CCDC141: variants seen among roughly 807,000 people sequenced by gnomAD.
CCDC141 encodes coiled-coil domain-containing protein 141.
CCDC141 carries 168 observed loss-of-function variants against 181.0 expected under a neutral mutation model. The observed-to-expected ratio is 0.93, with a 90% CI of 0.82 to 1.05. The LOEUF (loss-of-function observed/expected upper bound fraction) is 1.05, where lower values mean the gene tolerates loss of function less well. Among genes scored for constraint, CCDC141 ranks in the 50% least tolerant of loss-of-function variants. The pLI is 0.00. For synonymous variants in CCDC141, 666 were observed against 642.3 expected, an observed-to-expected ratio of 1.04 and a Z score of -0.56; for missense variants, 1,902 against 1,788.5, an observed-to-expected ratio of 1.06 and a Z score of -1.14.
At chr2:179,010,044 A>T (rs1449608983) in intron 2 of CCDC141, among the ~76,000 whole-genome samples, 1 of 152,208 alleles carries the variant, frequency 6.6e-6, no homozygotes. Context: ...ATGTAGAAGA[A>T]AGAAATTCAG....
At chr2:178,985,650 A>G (rs1691691601) in intron 2 of CCDC141, among the ~76,000 whole-genome samples, 1 of 152,180 alleles carries the variant, frequency 6.6e-6, no homozygotes, top group African/African-American at 2.4e-5. Context: ...CACCGATCCC[A>G]CAGAAATACA....
chr2:178,934,003 C>T (rs1306324030), intron 6 of CCDC141, among the ~76,000 whole-genome samples: 1 of 152,094 alleles, frequency 6.6e-6, no homozygotes, highest in Non-Finnish European at 1.5e-5. Flanking sequence ...TCTTTTTTAA[C>T]AGAAACTCCA....
chr2:178,877,956 A>G lies in CCDC141; in HGVS notation c.1899+8T>C. ...CAGAAGGTGTGATCCATTTAATGCC[A>G]TTCTTACCATATTTATTAAATTAAG... On this transcript the variant is annotated splice_region_variant and intron_variant, in intron 12 of 23. Coordinates refer to ENST00000443758, the MANE Select transcript of CCDC141 (RefSeq NM_173648.4). The G allele has an allele frequency of 1.2e-6, 2 of 1,609,106 alleles. No individual in the cohort carries two copies. The highest frequency in any genetic ancestry group is 1.7e-6 in the Non-Finnish European group (2 of 1,175,656).
Position 179,049,972 on chromosome 2 carries a change from G to T in CCDC141, c.-31C>A. ...TTTAGAACCAGAGTTTATACTTTGG[G>T]CAGCCTCTGGACAGTTGTGTGTCTG... On this transcript the variant is annotated 5_prime_UTR_variant, in exon 1 of 24. Transcript: ENST00000443758. 6.5e-7 allele frequency: 1 copy of T among 1,550,086 alleles called. No homozygotes were observed. Among genetic ancestry groups the T allele is most frequent in the Admixed American group, 2.0e-5 (1 of 50,988 alleles).
rs1370875529 is a variant in CCDC141, at chr2:178,978,635, T to C, written c.266A>G (p.Asp89Gly). The C allele has an allele frequency of 1.3e-6, 2 of 1,547,430 alleles. No homozygotes were observed. Among genetic ancestry groups the C allele is most frequent in the Non-Finnish European group, 1.7e-6 (2 of 1,145,656 alleles). ...DRVWELLQEA[D>G]KTAEENKDQS... ...ATCCTTGTTCTCTTCAGCTGTCTTG[T>C]CTGCTTCCTGCAAGAGTTCCCATAC... The change falls in exon 3 of 24, where the codon GAC becomes GGC. Residue 89 changes from aspartate (D) to glycine (G), a missense_variant. Asp to Gly is a moderately conservative substitution (Grantham distance 94, BLOSUM62 -1). Transcript: ENST00000443758.
chr2:178,881,615 G>C (rs1160909161), intron 11 of CCDC141, among the ~76,000 whole-genome samples: 1 of 152,012 alleles, frequency 6.6e-6, no homozygotes, highest in Non-Finnish European at 1.5e-5. Flanking sequence ...GGAATAAAGC[G>C]AATTGCAGTG....
chr2:178,923,609 A>ATTTT (rs141927623), intron 6 of CCDC141, among the ~76,000 whole-genome samples: 4,508 of 152,118 alleles, frequency 0.03, 140 homozygotes, highest in East Asian at 0.13. Context: ...TATTTCCAGT[A>ATTTT]CTTGTCCCCA....
the CCDC141 span, among the ~76,000 whole-genome samples, chr2:178,818,540 G>A: frequency 1.3e-5 from 2 of 152,078 alleles, no homozygotes; most frequent in African/African-American, 4.8e-5. Flanking sequence ...TTGGTTTTCT[G>A]TTCCTGTGTT....
intron 22 of CCDC141, among the ~76,000 whole-genome samples, chr2:178,840,820 T>A (rs1684687315): frequency 6.6e-6 from 1 of 152,208 alleles, no homozygotes; most frequent in Non-Finnish European, 1.5e-5. Flanking sequence ...TTTTTTCACT[T>A]CTAACAATTC....
intron 2 of CCDC141, among the ~76,000 whole-genome samples, chr2:179,024,627 G>T (rs1240495213): frequency 1.3e-5 from 2 of 151,398 alleles, no homozygotes; most frequent in Non-Finnish European, 2.9e-5. Flanking sequence ...TCTCCAAGAA[G>T]GTTTCAGAGA....
chr2:178,923,095 TA>T (rs773925644), intron 6 of CCDC141, among the ~76,000 whole-genome samples: 3,951 of 128,678 alleles, frequency 0.031, 157 homozygotes, highest in African/African-American at 0.093. Flanking sequence ...TCCACCAGTT[TA>T]TTTTTTTTTT....
At position 178,866,125 on chromosome 2, in the gene CCDC141, A is replaced by T. The variant is rs79220514; in HGVS notation, c.2575-209T>A. Among the ~76,000 whole-genome samples the T allele has an allele frequency of 2.6e-5, 4 of 152,176 alleles. No homozygotes were observed. In the East Asian group the frequency reaches 5.8e-4, roughly 22 times the overall value. On this transcript the variant is annotated intron_variant, in intron 16 of 23. Transcript: ENST00000443758. ...TTATGGAAAAGACATTTCCCAGCTC[A>T]AATCTCTAGTGTTGAAGATTCGCTC...
chr2:178,975,143 G>C lies in CCDC141; in HGVS notation c.440C>G (p.Ala147Gly). The C allele has an allele frequency of 6.6e-7, 1 of 1,507,758 alleles. No homozygotes were observed. Among genetic ancestry groups the C allele is most frequent in the African/African-American group, 1.4e-5 (1 of 72,676 alleles). 93.4% of individuals were successfully genotyped at this position (1,507,758 alleles called of 1,614,324 possible). Residue 147 changes from alanine (A) to glycine (G), a missense_variant, in exon 4 of 24, where the codon GCT (alanine) becomes GGT (glycine). Coordinates refer to ENST00000443758, the MANE Select transcript of CCDC141 (RefSeq NM_173648.4). ...ALEFAIKIDQAEDFLQNTHEF... is the reference protein window; with the variant it reads ...ALEFAIKIDQGEDFLQNTHEF... ...ATGAGTATTCTGGAGGAAATCTTCA[G>C]CTTGGTCTATTTTAATAGCAAACTA...
At chr2:178,951,703 C>T (rs1689957707) in intron 5 of CCDC141, among the ~76,000 whole-genome samples, 1 of 152,110 alleles carries the variant, frequency 6.6e-6, no homozygotes, top group Non-Finnish European at 1.5e-5. Context: ...AGGGGCAACA[C>T]CAGGGGTACG....
intron 2 of CCDC141, among the ~76,000 whole-genome samples, chr2:178,993,488 A>T (rs1358217686): frequency 6.6e-6 from 1 of 152,138 alleles, no homozygotes; most frequent in Non-Finnish European, 1.5e-5. Context: ...CACAGGGAAG[A>T]CCTAACCCCA....
chr2:179,045,432 C>T (rs997034642), intron 2 of CCDC141, among the ~76,000 whole-genome samples: 20 of 151,852 alleles, frequency 1.3e-4, no homozygotes, highest in African/African-American at 4.1e-4. Context: ...TTTGGGTTGG[C>T]TCCAAGTCTT....
chr2:178,927,308 C>G (rs11684630), intron 6 of CCDC141, among the ~76,000 whole-genome samples: 47,032 of 151,950 alleles, frequency 0.31, 8,380 homozygotes, highest in East Asian at 0.66. Flanking sequence ...AAGCATTATT[C>G]AGCACCTTTT....
chr2:178,980,912 G>A (rs1008687542), intron 2 of CCDC141, among the ~76,000 whole-genome samples: 2 of 152,146 alleles, frequency 1.3e-5, no homozygotes, highest in Admixed American at 1.3e-4. Context: ...AGAGAAAGAT[G>A]TACCATGCTA....
intron 6 of CCDC141, among the ~76,000 whole-genome samples, chr2:178,936,133 C>T (rs116424763): frequency 1.1e-3 from 173 of 152,066 alleles, no homozygotes; most frequent in African/African-American, 4.0e-3. Flanking sequence ...TGCTTTGTTG[C>T]AATTGTTTTT....
Sources: allele counts gnomAD v4.1 joint callset (sites outside exome capture counted in the v4.1 genomes callset), GRCh38; gene constraint gnomAD v4.1.1; transcripts MANE v1.5; gene names NCBI Gene and HGNC (gene_info 2026-07-23, HGNC 2026-07-21).